The following AKAP19 variants were observed in gnomAD, a reference collection of about 807,000 sequenced individuals.
AKAP19 encodes A-kinase anchoring protein 19.
the AKAP19 span, among the ~76,000 whole-genome samples, chr2:190,086,934 C>T: frequency 6.6e-6 from 1 of 152,148 alleles, no homozygotes; most frequent in Non-Finnish European, 1.5e-5. Flanking sequence ...GCAGTCTCAG[C>T]TTCCATTCAA....
the AKAP19 span, among the ~76,000 whole-genome samples, chr2:190,054,579 C>G: frequency 6.6e-6 from 1 of 152,110 alleles, no homozygotes; most frequent in Admixed American, 6.5e-5. Flanking sequence ...TTTTTGCAAC[C>G]TACTCATCTG....
the AKAP19 span, among the ~76,000 whole-genome samples, chr2:190,131,252 G>A: frequency 5.9e-5 from 9 of 152,322 alleles, no homozygotes; most frequent in African/African-American, 1.7e-4. Flanking sequence ...TCACCAGAAA[G>A]ACTAAGCCAT....
the AKAP19 span, among the ~76,000 whole-genome samples, chr2:190,105,695 T>C: frequency 6.6e-5 from 10 of 152,264 alleles, no homozygotes; most frequent in African/African-American, 1.7e-4. Context: ...GATGTCACTA[T>C]GAATTCATTG....
chr2:189,945,506 C>A, the AKAP19 span, among the ~76,000 whole-genome samples: 1 of 152,172 alleles, frequency 6.6e-6, no homozygotes, highest in African/African-American at 2.4e-5. Flanking sequence ...TAAGTCATTC[C>A]TGAATTCCTA....
chr2:189,995,412 T>C, the AKAP19 span, among the ~76,000 whole-genome samples: 2 of 152,234 alleles, frequency 1.3e-5, no homozygotes, highest in Non-Finnish European at 2.9e-5. Flanking sequence ...AAGTCTGTTT[T>C]GTCTGATTTA....
chr2:189,896,329 A>C, the AKAP19 span, among the ~76,000 whole-genome samples: 1 of 152,160 alleles, frequency 6.6e-6, no homozygotes, highest in African/African-American at 2.4e-5. Context: ...GATGCTTTAA[A>C]TTTAATTTTA....
At chr2:189,926,921 T>C in the AKAP19 span, among the ~76,000 whole-genome samples, 1 of 152,078 alleles carries the variant, frequency 6.6e-6, no homozygotes, top group African/African-American at 2.4e-5. Context: ...TCTTACTTTG[T>C]TGCCCAGGCT....
At chr2:190,071,628 A>G in the AKAP19 span, among the ~76,000 whole-genome samples, 2 of 152,224 alleles carry the variant, frequency 1.3e-5, no homozygotes, top group African/African-American at 4.8e-5. Flanking sequence ...TGCTTCATAA[A>G]TATTAAATAT....
chr2:190,105,363 T>C, the AKAP19 span, among the ~76,000 whole-genome samples: 2 of 152,224 alleles, frequency 1.3e-5, no homozygotes, highest in South Asian at 2.1e-4. Context: ...TACTGGCTGA[T>C]TGATTTATTG....
the AKAP19 span, among the ~76,000 whole-genome samples, chr2:189,940,180 G>A: frequency 6.6e-6 from 1 of 151,926 alleles, no homozygotes; most frequent in African/African-American, 2.4e-5. Context: ...TTGGGAGGCT[G>A]AGGCAGGAGA....
At chr2:189,935,850 T>G in the AKAP19 span, among the ~76,000 whole-genome samples, 141,138 of 152,104 alleles carry the variant, frequency 0.93, 65,528 homozygotes, top group East Asian at 0.97. Flanking sequence ...TAGGTTTGCT[T>G]CATGAATTTT....
At chr2:190,069,165 T>TGTGTGTGTGTGAGAGAGAGAGAGAGAGAG in the AKAP19 span, among the ~76,000 whole-genome samples, 5 of 143,380 alleles carry the variant, frequency 3.5e-5, no homozygotes, top group African/African-American at 1.4e-4. Flanking sequence ...TGTGTGTGTG[T>TGTGTGTGTGTGAGAGAGAGAGAGAGAGAG]GTGTGTGTGT....
At chr2:190,073,928 G>A in the AKAP19 span, among the ~76,000 whole-genome samples, 13 of 152,016 alleles carry the variant, frequency 8.6e-5, 1 homozygote, top group East Asian at 1.7e-3. Context: ...AGACGTGCCT[G>A]TAGTCCCAGC....
chr2:190,163,067 C>T, the AKAP19 span, among the ~76,000 whole-genome samples: 5 of 152,068 alleles, frequency 3.3e-5, no homozygotes, highest in Non-Finnish European at 5.9e-5. Flanking sequence ...ATTATGCAAC[C>T]GATGTGTTTC....
At chr2:189,880,160 T>A in the AKAP19 span, among the ~76,000 whole-genome samples, 5 of 152,160 alleles carry the variant, frequency 3.3e-5, no homozygotes, top group Non-Finnish European at 4.4e-5. Context: ...CAACTAAAAG[T>A]GTAAATAGGA....
the AKAP19 span, among the ~76,000 whole-genome samples, chr2:190,177,557 G>A: frequency 6.6e-6 from 1 of 152,110 alleles, no homozygotes; most frequent in Admixed American, 6.6e-5. This position sits in a 1 kb window ranked among gnomAD's most constrained non-coding sequence, Gnocchi z 4.6. Context: ...CTTCTGCCTC[G>A]CCGGCATAAC....
the AKAP19 span, among the ~76,000 whole-genome samples, chr2:189,972,673 AG>A: frequency 1.3e-5 from 2 of 152,094 alleles, no homozygotes; most frequent in Non-Finnish European, 2.9e-5. Flanking sequence ...AGTGGTTTGT[AG>A]TTCTCCTTGA....
chr2:190,191,247 A>C, the AKAP19 span, among the ~76,000 whole-genome samples: 1 of 151,954 alleles, frequency 6.6e-6, no homozygotes, highest in Non-Finnish European at 1.5e-5. Flanking sequence ...GATTCAGGTG[A>C]TTCTCATGCC....
chr2:190,123,055 T>G, the AKAP19 span, among the ~76,000 whole-genome samples: 5 of 152,166 alleles, frequency 3.3e-5, no homozygotes, highest in Non-Finnish European at 5.9e-5. Flanking sequence ...CAAGTGATCC[T>G]CCTGCCCCAG....
Sources: allele counts gnomAD v4.1 joint callset (sites outside exome capture counted in the v4.1 genomes callset), GRCh38; gene constraint gnomAD v4.1.1; non-coding constraint Gnocchi (gnomAD v3.1); transcripts MANE v1.5; gene names NCBI Gene and HGNC (gene_info 2026-07-23, HGNC 2026-07-21).